The following MATN2 variants were observed in gnomAD, a reference collection of about 807,000 sequenced individuals.
MATN2 encodes the protein matrilin-2.
Under a neutral mutation model 103.2 loss-of-function variants are expected in MATN2, and 69 were observed. The observed-to-expected ratio is 0.67, with a 90% CI of 0.55 to 0.82. The LOEUF (loss-of-function observed/expected upper bound fraction) is 0.82. MATN2 is among the 40% of genes least tolerant of loss of function. MATN2 has a pLI of 0.00. For synonymous variants in MATN2, 429 were observed against 450.2 expected (o/e 0.95, Z 0.60); for missense variants, 1,023 against 1,211.5 (o/e 0.84, Z 2.31).
chr8:97,925,026 G>A (rs1809945698), intron 2 of MATN2, among the ~76,000 whole-genome samples: 1 of 152,160 alleles, frequency 6.6e-6, no homozygotes, highest in African/African-American at 2.4e-5. Context: ...GTTTAACTGA[G>A]CAATGAACAA....
At chr8:97,981,939 G>T (rs1259387889) in intron 6 of MATN2, among the ~76,000 whole-genome samples, 1 of 150,262 alleles carries the variant, frequency 6.7e-6, no homozygotes, top group Non-Finnish European at 1.5e-5. Flanking sequence ...TAGGAGCCAC[G>T]GGAGGGGCTG....
At chr8:97,956,339 G>A (rs532777374) in intron 4 of MATN2, among the ~76,000 whole-genome samples, 2 of 152,216 alleles carry the variant, frequency 1.3e-5, no homozygotes, top group East Asian at 1.9e-4. Context: ...CACCACATCT[G>A]GCTAATTTTG....
At chr8:97,960,617 T>C (rs1316032271) in intron 4 of MATN2, among the ~76,000 whole-genome samples, 1 of 152,212 alleles carries the variant, frequency 6.6e-6, no homozygotes, top group Non-Finnish European at 1.5e-5. Context: ...CTGGCAATGT[T>C]TGTTACCTCT....
chr8:98,000,944 C>T (rs527544861), intron 7 of MATN2, among the ~76,000 whole-genome samples: 12 of 152,184 alleles, frequency 7.9e-5, no homozygotes, highest in African/African-American at 2.9e-4. Context: ...CAAAAGATGA[C>T]AAAATGATGT....
In MATN2 at chr8:98,036,096, T is replaced by C. The variant is rs1405473696; in HGVS notation, c.*384T>C. ...ACTGGCCATAGGAAATGCTGTTTTT[T>C]TGTACTGGACTTTACCTTGATATAT... On this transcript the variant is annotated 3_prime_UTR_variant, in exon 19 of 19. Transcript: ENST00000254898. The C allele has an allele frequency of 6.0e-6, 1 of 166,646 alleles. No homozygotes were observed. Among genetic ancestry groups the C allele is most frequent in the African/African-American group, 2.4e-5 (1 of 42,212 alleles). 10.3% of individuals were successfully genotyped at this position (166,646 alleles called of 1,614,324 possible). A position where few individuals can be genotyped will look rare whatever the true frequency, so the allele number is the denominator to read the frequency against.
chr8:97,939,548 G>T (rs1320131060), intron 3 of MATN2, among the ~76,000 whole-genome samples: 1 of 152,168 alleles, frequency 6.6e-6, no homozygotes, highest in Non-Finnish European at 1.5e-5. Context: ...GGAGGCTGAG[G>T]CTGAGGCAGG....
chr8:97,943,403 G>GTCTCCTTCTCCTTCTCCT (rs57093769), intron 4 of MATN2, among the ~76,000 whole-genome samples: 1 of 146,184 alleles, frequency 6.8e-6, no homozygotes, highest in Non-Finnish European at 1.5e-5. Flanking sequence ...CTCCTTCTCT[G>GTCTCCTTCTCCTTCTCCT]TCTCCTTCTC....
intron 2 of MATN2, among the ~76,000 whole-genome samples, chr8:97,911,799 G>A (rs189156011): frequency 6.6e-6 from 1 of 152,214 alleles, no homozygotes; most frequent in Non-Finnish European, 1.5e-5. Flanking sequence ...TGGACTCCCA[G>A]TCTGGTGCTT....
intron 7 of MATN2, among the ~76,000 whole-genome samples, chr8:97,995,090 C>T (rs1002634806): frequency 1.3e-5 from 2 of 152,110 alleles, no homozygotes; most frequent in African/African-American, 4.8e-5. Context: ...AGGGTGTCAG[C>T]GGGTTGATAT....
intron 4 of MATN2, among the ~76,000 whole-genome samples, chr8:97,953,793 C>CAAA (rs71271176): frequency 8.4e-5 from 10 of 119,492 alleles, no homozygotes; most frequent in African/African-American, 1.3e-4. Flanking sequence ...TCCATCTCAC[C>CAAA]AAAAAAAAAA....
chr8:97,998,182 T>G (rs1231909025), intron 7 of MATN2, among the ~76,000 whole-genome samples: 1 of 151,644 alleles, frequency 6.6e-6, no homozygotes, highest in Non-Finnish European at 1.5e-5. Context: ...TTTAAGAATC[T>G]AAATGGTTTT....
chr8:97,939,214 A>C (rs1235558390), intron 3 of MATN2, among the ~76,000 whole-genome samples: 1 of 152,078 alleles, frequency 6.6e-6, no homozygotes, highest in Non-Finnish European at 1.5e-5. Flanking sequence ...TGATTCATTA[A>C]CATCAGACCC....
intron 6 of MATN2, among the ~76,000 whole-genome samples, chr8:97,987,585 T>G (rs1812237122): frequency 6.6e-6 from 1 of 152,226 alleles, no homozygotes; most frequent in Non-Finnish European, 1.5e-5. Context: ...TATATATATC[T>G]AATTTATAAA....
intron 18 of MATN2, chr8:98,034,400 A>G: frequency 3.1e-6 from 1 of 319,050 alleles, no homozygotes; most frequent in Non-Finnish European, 6.4e-6. Flanking sequence ...CAACTAGTCT[A>G]TAGGGAAATG....
At position 98,021,291 on chromosome 8, in the gene MATN2, G is replaced by A; in HGVS notation, c.1906G>A (p.Gly636Arg). The change falls in exon 13 of 19, where the codon GGA becomes AGA. Residue 636 changes from glycine to arginine, a missense_variant. By Grantham distance (125) the Gly-to-Arg change is moderately radical. Coordinates refer to ENST00000254898, the MANE Select transcript of MATN2 (RefSeq NM_002380.5). ...TTCCTACATCTGCAAATGCTCAGAG[G>A]GATTTGTTCTAGCTGAGGACGGAAG... ...GNSYICKCSE[G>R]FVLAEDGRRC... The A allele has an allele frequency of 6.2e-7, 1 of 1,613,624 alleles. No individual in the cohort carries two copies. The highest frequency in any genetic ancestry group is 8.5e-7 in the Non-Finnish European group (1 of 1,179,604).
intron 6 of MATN2, among the ~76,000 whole-genome samples, chr8:97,987,169 A>G (rs2061053): frequency 0.085 from 12,948 of 152,124 alleles, 814 homozygotes; most frequent in Admixed American, 0.19. Flanking sequence ...GAATCTCTAC[A>G]TTGCTTTCCA....
At chr8:98,003,205 T>C (rs1364093448) in intron 7 of MATN2, among the ~76,000 whole-genome samples, 1 of 151,978 alleles carries the variant, frequency 6.6e-6, no homozygotes, top group South Asian at 2.1e-4. Context: ...GCACTTGTGT[T>C]TTTTGTCTCC....
At chr8:97,991,124 T>G (rs1261433586) in intron 6 of MATN2, among the ~76,000 whole-genome samples, 1 of 152,216 alleles carries the variant, frequency 6.6e-6, no homozygotes, top group Non-Finnish European at 1.5e-5. Flanking sequence ...CACTATCCTA[T>G]GGGACACTCT....
intron 1 of MATN2, among the ~76,000 whole-genome samples, chr8:97,887,169 G>A (rs942447278): frequency 6.6e-6 from 1 of 152,072 alleles, no homozygotes; most frequent in African/African-American, 2.4e-5. Context: ...TGGGATTACA[G>A]GTGTGAGTCA....
Sources: gnomAD v4.1 joint callset for allele counts (sites outside exome capture counted in the v4.1 genomes callset) on GRCh38, gnomAD v4.1.1 for gene constraint, MANE v1.5 for transcripts, NCBI Gene and HGNC (gene_info 2026-07-23, HGNC 2026-07-21) for gene names.